The following CHRM3 variants were observed in gnomAD, a reference collection of about 807,000 sequenced individuals.
CHRM3 encodes muscarinic acetylcholine receptor M3.
A neutral mutation model predicts 41.8 loss-of-function variants in CHRM3; 11 were observed. The ratio of observed to expected loss-of-function variants is 0.26; its 90% CI spans 0.17 to 0.44. CHRM3 has a LOEUF of 0.44. CHRM3 is among the 20% of genes least tolerant of loss of function. CHRM3 has a pLI of 1.00. For synonymous variants in CHRM3, 297 were observed against 301.4 expected (o/e 0.99, Z 0.15); for missense variants, 571 against 745.4 (o/e 0.77, Z 2.72).
chr1:239,649,233 A>G (rs1259573691), intron 4 of CHRM3, among the ~76,000 whole-genome samples: 1 of 151,924 alleles, frequency 6.6e-6, no homozygotes, highest in African/African-American at 2.4e-5. Flanking sequence ...GGCCCAAGAG[A>G]GCTTATTTGC....
intron 4 of CHRM3, among the ~76,000 whole-genome samples, chr1:239,652,190 C>T (rs1672307626): frequency 6.6e-6 from 1 of 152,078 alleles, no homozygotes; most frequent in South Asian, 2.1e-4. Context: ...CTGTATTCAC[C>T]CATACTGAGC....
At chr1:239,430,916 C>T (rs12139749) in intron 1 of CHRM3, among the ~76,000 whole-genome samples, 25,931 of 151,688 alleles carry the variant, frequency 0.17, 2,719 homozygotes, top group Non-Finnish European at 0.22. Flanking sequence ...TAGTTGCTTT[C>T]GATATTAAAT....
At chr1:239,515,243 T>A (rs189611737) in intron 2 of CHRM3, among the ~76,000 whole-genome samples, 166 of 152,160 alleles carry the variant, frequency 1.1e-3, no homozygotes, top group Non-Finnish European at 1.7e-3. Context: ...ATAAAATTTT[T>A]GTCTAAAAAT....
chr1:239,654,521 C>T (rs990170214), intron 4 of CHRM3, among the ~76,000 whole-genome samples: 1 of 152,206 alleles, frequency 6.6e-6, no homozygotes, highest in Non-Finnish European at 1.5e-5. Context: ...GCCTCAGCCT[C>T]CCGAGTAGCT....
At chr1:239,433,247 C>T (rs1323610358) in intron 1 of CHRM3, among the ~76,000 whole-genome samples, 1 of 152,030 alleles carries the variant, frequency 6.6e-6, no homozygotes, top group Non-Finnish European at 1.5e-5. Flanking sequence ...CTAAAGAATG[C>T]TATTGTTTAT....
intron 3 of CHRM3, among the ~76,000 whole-genome samples, chr1:239,604,463 G>C (rs1398319001): frequency 2.6e-5 from 4 of 152,084 alleles, no homozygotes; most frequent in Non-Finnish European, 5.9e-5. Flanking sequence ...TGAAATTATT[G>C]AGAAATGGAA....
At chr1:239,690,657 G>A (rs1323743115) in intron 5 of CHRM3, among the ~76,000 whole-genome samples, 2 of 151,676 alleles carry the variant, frequency 1.3e-5, no homozygotes, top group Admixed American at 6.6e-5. Context: ...CTTAAAAATA[G>A]GACTATATTT....
At chr1:239,400,260 A>G (rs1221337724) in intron 1 of CHRM3, among the ~76,000 whole-genome samples, 1 of 152,120 alleles carries the variant, frequency 6.6e-6, no homozygotes, top group Non-Finnish European at 1.5e-5. Flanking sequence ...TTATTTTGAG[A>G]AATCTCTGTT....
At chr1:239,901,021 C>T (rs574881035) in intron 6 of CHRM3, among the ~76,000 whole-genome samples, 2 of 152,230 alleles carry the variant, frequency 1.3e-5, no homozygotes, top group South Asian at 2.1e-4. Context: ...GCTGAGTTTA[C>T]GTCTTAGGCA....
At position 239,416,626 on chromosome 1, in the gene CHRM3, C is replaced by G. The variant is rs914806541; in HGVS notation, c.-521+29399C>G. On this transcript the variant is annotated intron_variant, in intron 1 of 6. Transcript: ENST00000676153. ...TTTCAAGAACCACTAATGTTTATGTCAAGAGGAAAAGGTTTAAGTTAAAGA... is the reference window on the plus strand; with the variant it reads ...TTTCAAGAACCACTAATGTTTATGTGAAGAGGAAAAGGTTTAAGTTAAAGA... Among the ~76,000 whole-genome samples, 3 of 152,048 alleles carry G rather than the reference C, an allele frequency of 2.0e-5. No homozygotes were observed. In the South Asian group the frequency reaches 6.2e-4, roughly 32 times the overall value.
At position 239,612,032 on chromosome 1, in the gene CHRM3, T is replaced by C. The variant is rs1667134737; in HGVS notation, c.-312-20192T>C. ...CACAGAGCTGGGGAGCTCAGGTTGC[T>C]CTGCCTTTAATCTAGCTCTCTGCTT... On this transcript the variant is annotated intron_variant, in intron 3 of 6. Transcript: ENST00000676153. Among the ~76,000 whole-genome samples the C allele has an allele frequency of 2.6e-5, 4 of 152,288 alleles. No homozygotes were observed. The South Asian group carries it at 8.3e-4, about 32-fold the overall frequency.
chr1:239,473,214 A>G (rs1432019627), intron 1 of CHRM3, among the ~76,000 whole-genome samples: 1 of 151,700 alleles, frequency 6.6e-6, no homozygotes, highest in Non-Finnish European at 1.5e-5. Flanking sequence ...GAAATACACC[A>G]TAAGAAGAAA....
intron 1 of CHRM3, among the ~76,000 whole-genome samples, chr1:239,478,005 G>C (rs1208813563): frequency 6.6e-6 from 1 of 152,194 alleles, no homozygotes; most frequent in African/African-American, 2.4e-5. Flanking sequence ...GATAATCCAG[G>C]AGTAGGGCTG....
chr1:239,441,892 T>C (rs1328727038), intron 1 of CHRM3, among the ~76,000 whole-genome samples: 3 of 152,254 alleles, frequency 2.0e-5, no homozygotes, highest in Non-Finnish European at 2.9e-5. Context: ...AGATGTGAAG[T>C]ATTTAAAAGT....
intron 6 of CHRM3, among the ~76,000 whole-genome samples, chr1:239,869,629 G>T (rs949741088): frequency 7.9e-5 from 12 of 152,050 alleles, no homozygotes; most frequent in African/African-American, 2.9e-4. Context: ...CTCAGCCATG[G>T]ATCCCCAAGA....
chr1:239,533,283 G>A (rs891643220), intron 2 of CHRM3, among the ~76,000 whole-genome samples: 2 of 152,104 alleles, frequency 1.3e-5, no homozygotes, highest in Non-Finnish European at 2.9e-5. Flanking sequence ...AGAAATACCC[G>A]AGAGTGGGTA....
At chr1:239,870,174 G>C (rs746139801) in intron 6 of CHRM3, among the ~76,000 whole-genome samples, 43 of 152,176 alleles carry the variant, frequency 2.8e-4, no homozygotes, top group Non-Finnish European at 4.7e-4. Flanking sequence ...ATTATCTAAA[G>C]AGGGAAAGAA....
intron 5 of CHRM3, among the ~76,000 whole-genome samples, chr1:239,761,051 CT>C (rs1311156508): frequency 6.6e-6 from 1 of 151,940 alleles, no homozygotes. Context: ...CCACTGCTCA[CT>C]TTTTTTTAAT....
intron 2 of CHRM3, among the ~76,000 whole-genome samples, 193 bp from the exon 3 acceptor site, chr1:239,545,448 A>C (rs896109793): frequency 6.6e-6 from 1 of 152,176 alleles, no homozygotes; most frequent in Non-Finnish European, 1.5e-5. Context: ...ACCAAAAACC[A>C]TTTATATTCT....
Sources: gnomAD v4.1 joint callset for allele counts (sites outside exome capture counted in the v4.1 genomes callset) on GRCh38, gnomAD v4.1.1 for gene constraint, MANE v1.5 for transcripts, NCBI Gene and HGNC (gene_info 2026-07-23, HGNC 2026-07-21) for gene names.